ARHGEF17: variants seen among roughly 807,000 people sequenced by gnomAD.
ARHGEF17 encodes the protein Rho guanine nucleotide exchange factor 17, also known as 164 kDa Rho-specific guanine-nucleotide exchange factor.
Under a neutral mutation model 174.0 loss-of-function variants are expected in ARHGEF17, and 80 were observed. The observed-to-expected ratio is 0.46, with a 90% confidence interval of 0.38 to 0.55. The LOEUF (loss-of-function observed/expected upper bound fraction) is 0.55. Ranked by LOEUF, ARHGEF17 falls within the 20% of genes least tolerant of loss-of-function variation. The pLI is 0.00. For synonymous variants in ARHGEF17, 1,311 were observed against 1,189.1 expected, an observed-to-expected ratio of 1.10 and a Z score of -2.11; for missense variants, 2,886 against 2,839.7, an observed-to-expected ratio of 1.02 and a Z score of -0.37.
chr11:73,311,764 C>G lies in ARHGEF17; in HGVS notation c.3126C>G (p.Pro1042=). The change falls in exon 1 of 21, where the codon CCC becomes CCG. Residue 1042 remains proline (P), a synonymous_variant. Coordinates refer to ENST00000263674, the MANE Select transcript of ARHGEF17 (RefSeq NM_014786.4). Reference sequence around the variant, plus strand: ...CACCGCCCTCTGCTGAGGCCAAGCCCCCTGAGGCAGCTCGGCCTGCAGATG... The same window carrying G: ...CACCGCCCTCTGCTGAGGCCAAGCCGCCTGAGGCAGCTCGGCCTGCAGATG... The part of the protein sequence containing the change: ...LAAPPSAEAK[P]PEAARPADEP... 2 of 1,612,608 alleles carry G rather than the reference C, an allele frequency of 1.2e-6. No individual in the cohort carries two copies. The highest frequency in any genetic ancestry group is 1.7e-6 in the Non-Finnish European group (2 of 1,179,648).
chr11:73,357,633 A>C (rs1438154378), intron 9 of ARHGEF17, among the ~76,000 whole-genome samples: 1 of 152,246 alleles, frequency 6.6e-6, no homozygotes, highest in Non-Finnish European at 1.5e-5. Flanking sequence ...GTGCAAAATC[A>C]TTTGAGCGCC....
Position 73,367,965 on chromosome 11 carries a change from C to G in ARHGEF17, c.*185C>G. The G allele has an allele frequency of 1.6e-6, 1 of 623,582 alleles. No homozygotes were observed. Among genetic ancestry groups the G allele is most frequent in the Non-Finnish European group, 2.7e-6 (1 of 372,802 alleles). 38.6% of individuals were successfully genotyped at this position (623,582 alleles called of 1,614,324 possible). ...CACCCACTGGCCAGCCAGGCCATGG[C>G]TTCTCCCGACCCTCTGGCTGCCCCG... On this transcript the variant is annotated 3_prime_UTR_variant, in exon 21 of 21. Coordinates refer to ENST00000263674, the MANE Select transcript of ARHGEF17 (RefSeq NM_014786.4).
At position 73,362,624 on chromosome 11, in the gene ARHGEF17, G is replaced by A. The variant is rs1463321435; in HGVS notation, c.4886G>A (p.Arg1629His). The stretch of plus-strand genomic sequence containing the variant: ...CCGGGCCTCGGCGAGGGTGACCCCC[G>A]CCCAGAGCTGGTGCCCTTTGACAGT... ...MTPGLGEGDPRPELVPFDSDS... is the reference protein window; with the variant it reads ...MTPGLGEGDPHPELVPFDSDS... The change falls in exon 14 of 21, where the codon CGC (arginine) becomes CAC (histidine). Residue 1629 changes from arginine (R) to histidine (H), a missense_variant. By Grantham distance (29) the Arg-to-His change is conservative. This residue lies in a region of ARHGEF17 where 476 missense variants were observed against 473.1 expected (regional missense o/e 1.01). Coordinates refer to ENST00000263674, the MANE Select transcript of ARHGEF17 (RefSeq NM_014786.4). The A allele has an allele frequency of 1.9e-6, 3 of 1,611,306 alleles. No individual in the cohort carries two copies. The highest frequency in any genetic ancestry group is 8.5e-7 in the Non-Finnish European group (1 of 1,179,988).
Position 73,365,842 on chromosome 11 carries a change from G to C in ARHGEF17, c.5890G>C (p.Gly1964Arg). 6.2e-7 allele frequency: 1 copy of C among 1,613,070 alleles called. No individual in the cohort carries two copies. ...CCCACGGGCACCACTCAGTCCCACA[G>C]GCCTCGGCCAGGGACACACCGGCCA... Reference protein sequence around the residue: ...SCPRAPLSPTGLGQGHTGHVR... With the variant: ...SCPRAPLSPTRLGQGHTGHVR... The change falls in exon 20 of 21, where the codon GGC becomes CGC. Residue 1964 changes from glycine to arginine, a missense_variant. Physicochemically the swap from Gly to Arg is moderately radical, Grantham distance 125. This residue lies in a region of ARHGEF17 where 329 missense variants were observed against 435.2 expected (regional missense o/e 0.76). Coordinates refer to ENST00000263674, the MANE Select transcript of ARHGEF17 (RefSeq NM_014786.4). The surrounding 1 kb of genome is among the most constrained non-coding windows in gnomAD (Gnocchi z 4.9).
In ARHGEF17 at chr11:73,309,578, A is replaced by C. The variant is rs1296519072; in HGVS notation, c.940A>C (p.Asn314His). The C allele has an allele frequency of 1.2e-6, 2 of 1,612,102 alleles. No homozygotes were observed. The highest frequency in any genetic ancestry group is 2.7e-5 in the African/African-American group (2 of 74,884). Residue 314 changes from asparagine to histidine, a missense_variant, in exon 1 of 21, where the codon AAT becomes CAT. Asn to His is a moderately conservative substitution (Grantham distance 68). This residue lies in a region of ARHGEF17 where 1,728 missense variants were observed against 1,461.2 expected (regional missense o/e 1.18). Transcript: ENST00000263674. Reference protein sequence around the residue: ...QDCRPDSDGLNLSSMNSAGVS... With the variant: ...QDCRPDSDGLHLSSMNSAGVS... ...CTGCAGGCCTGACAGTGATGGGTTA[A>C]ATCTAAGCAGCATGAACTCAGCAGG... is the stretch of plus-strand genomic sequence containing the variant.
intron 9 of ARHGEF17, among the ~76,000 whole-genome samples, chr11:73,359,571 A>G (rs1239087150): frequency 6.6e-6 from 1 of 152,104 alleles, no homozygotes; most frequent in Non-Finnish European, 1.5e-5. Context: ...TTCATACTCC[A>G]TGCTCTCCTG....
chr11:73,322,283 A>G (rs183592579), intron 1 of ARHGEF17, among the ~76,000 whole-genome samples: 1 of 152,284 alleles, frequency 6.6e-6, no homozygotes, highest in African/African-American at 2.4e-5. Flanking sequence ...GAGATGTCCA[A>G]CTTCTGGGCA....
In ARHGEF17 at chr11:73,311,764, C is replaced by A. The variant is rs745416156; in HGVS notation, c.3126C>A (p.Pro1042=). 6 of 1,612,608 alleles carry A rather than the reference C, an allele frequency of 3.7e-6. No individual in the cohort carries two copies. The highest frequency in any genetic ancestry group is 1.1e-5 in the South Asian group (1 of 91,056). The change falls in exon 1 of 21, where the codon CCC becomes CCA. Residue 1042 remains proline, a synonymous_variant. Coordinates refer to ENST00000263674, the MANE Select transcript of ARHGEF17 (RefSeq NM_014786.4). The part of the protein sequence containing the change: ...LAAPPSAEAK[P]PEAARPADEP... The stretch of plus-strand genomic sequence containing the variant: ...CACCGCCCTCTGCTGAGGCCAAGCC[C>A]CCTGAGGCAGCTCGGCCTGCAGATG...
chr11:73,342,433 G>A (rs116769922), intron 1 of ARHGEF17, among the ~76,000 whole-genome samples: 2,740 of 152,224 alleles, frequency 0.018, 82 homozygotes, highest in African/African-American at 0.064. Flanking sequence ...ATATGTGCCT[G>A]TTTCTGCTGG....
chr11:73,343,083 A>AACCCCGC (rs1555002941), intron 1 of ARHGEF17: 1 of 316,658 alleles, frequency 3.2e-6, no homozygotes, highest in Non-Finnish European at 5.7e-6. Context: ...CTCCGCGCTG[A>AACCCCGC]CCCCCGCCCC....
chr11:73,316,077 C>T (rs966545904), intron 1 of ARHGEF17, among the ~76,000 whole-genome samples: 3 of 152,176 alleles, frequency 2.0e-5, no homozygotes, highest in Non-Finnish European at 2.9e-5. Flanking sequence ...TGTTGAGGGA[C>T]TAGCCTGGAA....
chr11:73,313,912 G>T (rs1257191402), intron 1 of ARHGEF17, among the ~76,000 whole-genome samples: 2 of 152,220 alleles, frequency 1.3e-5, no homozygotes, highest in Non-Finnish European at 2.9e-5. Flanking sequence ...CAGGAAAGAA[G>T]AAAAATGGAG....
Position 73,309,160 on chromosome 11 carries a change from G to A in ARHGEF17, c.522G>A (p.Arg174=). The change falls in exon 1 of 21, where the codon CGG becomes CGA. Residue 174 remains arginine (R), a synonymous_variant. Transcript: ENST00000263674. ...ESRQPPTPPP[R]TCFPLAGLRS... ...GGCAGCCACCGACGCCACCCCCTCG[G>A]ACATGCTTCCCCCTGGCGGGTCTGC... The A allele has an allele frequency of 6.3e-7, 1 of 1,590,456 alleles. No individual in the cohort carries two copies. The highest frequency in any genetic ancestry group is 8.6e-7 in the Non-Finnish European group (1 of 1,169,434).
chr11:73,335,033 G>A, intron 1 of ARHGEF17, among the ~76,000 whole-genome samples: 1 of 152,232 alleles, frequency 6.6e-6, no homozygotes, highest in East Asian at 1.9e-4. Flanking sequence ...AGCTGGGAGA[G>A]GAGGGCCCCT....
intron 1 of ARHGEF17, among the ~76,000 whole-genome samples, chr11:73,337,103 C>A (rs968345764): frequency 6.6e-6 from 1 of 152,212 alleles, no homozygotes; most frequent in Non-Finnish European, 1.5e-5. Context: ...CCTCGTCTTT[C>A]TGTGGGAAGA....
chr11:73,367,900 T>A lies in ARHGEF17; in HGVS notation c.*120T>A. 9.1e-7 allele frequency: 1 copy of A among 1,100,106 alleles called. No individual in the cohort carries two copies. The highest frequency in any genetic ancestry group is 1.3e-6 in the Non-Finnish European group (1 of 782,320). The allele number at this position is 1,100,106 out of a possible 1,614,324, so 68.1% of individuals were successfully genotyped here. On this transcript the variant is annotated 3_prime_UTR_variant, in exon 21 of 21. Coordinates refer to ENST00000263674, the MANE Select transcript of ARHGEF17 (RefSeq NM_014786.4). The stretch of plus-strand genomic sequence containing the variant: ...AGCCAGGGGCACACATGTGCCTGCG[T>A]GGGCTCTGCCTTGTCTTCGCGGAAG...
chr11:73,308,892 T>C lies in ARHGEF17; in HGVS notation c.254T>C (p.Leu85Pro), dbSNP rs1864743958. The change falls in exon 1 of 21, where the codon CTC (leucine) becomes CCC (proline). Residue 85 changes from leucine (L) to proline (P), a missense_variant. Around this residue, in one of 4 missense-constraint regions of ARHGEF17, gnomAD observed 1,728 missense variants for 1,461.2 expected, o/e 1.18. Transcript: ENST00000263674. ...AGCCTCTCGCCGTCGGTTCGCCAGCTCTCCCGGCGCTTCGACGCGCCGCGT... is the reference window on the plus strand; with the variant it reads ...AGCCTCTCGCCGTCGGTTCGCCAGCCCTCCCGGCGCTTCGACGCGCCGCGT... ...LRSLSPSVRQ[L>P]SRRFDAPRLD... The C allele has an allele frequency of 1.5e-6, 2 of 1,359,426 alleles. No homozygotes were observed. Among genetic ancestry groups the C allele is most frequent in the Non-Finnish European group, 1.9e-6 (2 of 1,062,112 alleles). The allele number at this position is 1,359,426 out of a possible 1,614,324, so 84.2% of individuals were successfully genotyped here. A position where few individuals can be genotyped will look rare whatever the true frequency, so the allele number is the denominator to read the frequency against.
chr11:73,364,465 C>A lies in ARHGEF17; in HGVS notation c.5415C>A (p.Asp1805Glu), dbSNP rs1379194785. The change falls in exon 18 of 21, where the codon GAC becomes GAA. Residue 1805 changes from aspartate (D) to glutamate (E), a missense_variant. Coordinates refer to ENST00000263674, the MANE Select transcript of ARHGEF17 (RefSeq NM_014786.4). ...ACCCCACTCCAGGCCATTTCTGGGA[C>A]CCCCAGAACTTCAAATCAGTGACCT... ...VYQREAGHFW[D>E]PQNFKSVTLG... The A allele has an allele frequency of 5.0e-6, 8 of 1,613,206 alleles. No individual in the cohort carries two copies. Among genetic ancestry groups the A allele is most frequent in the Non-Finnish European group, 6.8e-6 (8 of 1,179,872 alleles).
At chr11:73,355,496 C>T (rs1198805816) in intron 3 of ARHGEF17, 37 bp from the exon 4 acceptor site, 2 of 1,450,312 alleles carry the variant, frequency 1.4e-6, no homozygotes, top group Admixed American at 3.4e-5. Flanking sequence ...GGGTGAGGGA[C>T]ACCTTGAGGG....
Sources: gnomAD v4.1 joint callset for allele counts (sites outside exome capture counted in the v4.1 genomes callset) on GRCh38, gnomAD v4.1.1 for gene constraint, gnomAD v4.1.1 regional missense constraint, Gnocchi (gnomAD v3.1) non-coding constraint, MANE v1.5 for transcripts, NCBI Gene and HGNC (gene_info 2026-07-23, HGNC 2026-07-21) for gene names.